The following KCNK2 variants were observed in gnomAD, a reference collection of about 807,000 sequenced individuals.
KCNK2 encodes the protein potassium two pore domain channel subfamily K member 2.
KCNK2 carries 21 observed loss-of-function variants against 40.5 expected under a neutral mutation model. That is an observed-to-expected ratio of 0.52 (90% confidence interval 0.37 to 0.75). The LOEUF is 0.75. Among genes scored for constraint, KCNK2 ranks in the 30% least tolerant of loss-of-function variants. The pLI is 0.00. For synonymous variants in KCNK2, 191 were observed against 202.2 expected (o/e 0.94, Z 0.47); for missense variants, 399 against 531.6 (o/e 0.75, Z 2.45).
intron 6 of KCNK2, among the ~76,000 whole-genome samples, chr1:215,231,171 T>C (rs537549843): frequency 6.6e-6 from 1 of 152,270 alleles, no homozygotes; most frequent in African/African-American, 2.4e-5. Context: ...CCACTTAAGA[T>C]TCAAATTGCA....
At chr1:215,193,888 T>TA (rs1288525979) in intron 5 of KCNK2, among the ~76,000 whole-genome samples, 3 of 152,200 alleles carry the variant, frequency 2.0e-5, no homozygotes, top group Non-Finnish European at 4.4e-5. Flanking sequence ...ATACTATATA[T>TA]TTTCCACACT....
chr1:215,006,325 A>G (rs1558053579), intron 1 of KCNK2, among the ~76,000 whole-genome samples: 1 of 152,162 alleles, frequency 6.6e-6, no homozygotes. Flanking sequence ...TAGTCCTGTC[A>G]TCAATTTGTT....
At chr1:215,228,832 C>T (rs1472165675) in intron 6 of KCNK2, among the ~76,000 whole-genome samples, 2 of 151,812 alleles carry the variant, frequency 1.3e-5, no homozygotes, top group Non-Finnish European at 2.9e-5. Flanking sequence ...TTTTGAATTT[C>T]TTCGAAAACA....
intron 2 of KCNK2, among the ~76,000 whole-genome samples, chr1:215,090,603 A>G (rs1261123692): frequency 2.6e-5 from 4 of 152,240 alleles, no homozygotes; most frequent in African/African-American, 7.2e-5. Flanking sequence ...GAGGATGGTC[A>G]CATTAGACAT....
At chr1:215,168,022 A>C (rs1663524465) in intron 3 of KCNK2, among the ~76,000 whole-genome samples, 1 of 152,056 alleles carries the variant, frequency 6.6e-6, no homozygotes, top group African/African-American at 2.4e-5. Context: ...CACATTAACA[A>C]GAAAAAAAAC....
chr1:215,083,531 C>G, intron 1 of KCNK2, 100 bp downstream of exon 1: 1 of 876,296 alleles, frequency 1.1e-6, no homozygotes, highest in South Asian at 1.3e-5. Flanking sequence ...AGCAAGCGGC[C>G]GTTTCCCATC....
intron 3 of KCNK2, among the ~76,000 whole-genome samples, chr1:215,167,314 G>A (rs1663490186): frequency 7.1e-6 from 1 of 141,172 alleles, no homozygotes. Flanking sequence ...TCATTAAACT[G>A]GAAAGTAAAG....
intron 2 of KCNK2, among the ~76,000 whole-genome samples, chr1:215,108,875 T>C (rs970180623): frequency 4.0e-5 from 6 of 149,350 alleles, no homozygotes; most frequent in Non-Finnish European, 8.8e-5. Context: ...TGAAGAAATA[T>C]CTTCACGTGC....
At chr1:215,169,717 C>T (rs1435563643) in intron 4 of KCNK2, among the ~76,000 whole-genome samples, 4 of 151,512 alleles carry the variant, frequency 2.6e-5, no homozygotes, top group Admixed American at 1.3e-4. Context: ...GCAATCTTGG[C>T]TCACTGCAAC....
At chr1:215,093,894 A>G (rs11120490) in intron 2 of KCNK2, among the ~76,000 whole-genome samples, 1 of 78,364 alleles carries the variant, frequency 1.3e-5, no homozygotes, top group Non-Finnish European at 2.6e-5. Context: ...ATTATATATA[A>G]AAATATATTA....
Position 215,217,820 on chromosome 1 carries a change from G to A in KCNK2, c.964-17008G>A, listed in dbSNP as rs150376694. 6.2e-4 allele frequency among the ~76,000 whole-genome samples: 94 copies of A among 152,238 alleles called. 1 individual carries two copies. Among genetic ancestry groups the A allele is most frequent in the African/African-American group, 2.1e-3 (89 of 41,546 alleles). On this transcript the variant is annotated intron_variant, in intron 6 of 6. Transcript: ENST00000444842. ...ACTTAGGGTAGTTTAAAGAAAAAGC[G>A]GTAAATTTTATCTGCACAATTCAGG...
chr1:215,151,390 G>T (rs1232693386), intron 3 of KCNK2, among the ~76,000 whole-genome samples: 1 of 151,922 alleles, frequency 6.6e-6, no homozygotes, highest in Non-Finnish European at 1.5e-5. Context: ...TATTCTTTTG[G>T]ATTGGTCTGC....
At position 215,083,385 on chromosome 1, in the gene KCNK2, C is replaced by T. The variant is rs1298428643; in HGVS notation, c.-1C>T. 3.7e-6 allele frequency: 6 copies of T among 1,614,026 alleles called. No individual in the cohort carries two copies. Among genetic ancestry groups the T allele is most frequent in the African/African-American group, 1.3e-5 (1 of 74,926 alleles). ...AAAACATTTTGAATGCTGCATGCCTCATGCTTCCCAGCGCCTCGCGGGAGA... is the reference window on the plus strand; with the variant it reads ...AAAACATTTTGAATGCTGCATGCCTTATGCTTCCCAGCGCCTCGCGGGAGA... On this transcript the variant is annotated 5_prime_UTR_variant, in exon 1 of 7. Transcript: ENST00000444842.
intron 6 of KCNK2, among the ~76,000 whole-genome samples, chr1:215,201,656 G>A (rs138485090): frequency 6.6e-4 from 100 of 152,258 alleles, no homozygotes; most frequent in African/African-American, 2.2e-3. Context: ...GCTGTATTGG[G>A]TGCTGGGAGT....
At chr1:215,156,623 G>A (rs1662941327) in intron 3 of KCNK2, among the ~76,000 whole-genome samples, 1 of 152,144 alleles carries the variant, frequency 6.6e-6, no homozygotes, top group Admixed American at 6.5e-5. Flanking sequence ...AACTACCTGA[G>A]ACTGGGTAAT....
At chr1:215,071,859 A>G (rs754352327) in intron 1 of KCNK2, among the ~76,000 whole-genome samples, 1 of 152,086 alleles carries the variant, frequency 6.6e-6, no homozygotes, top group Non-Finnish European at 1.5e-5. Flanking sequence ...TCCAGCGGGG[A>G]GGGTAAATGT....
At chr1:215,107,341 G>A (rs1009024991) in intron 2 of KCNK2, among the ~76,000 whole-genome samples, 16 of 151,596 alleles carry the variant, frequency 1.1e-4, no homozygotes, top group Non-Finnish European at 1.9e-4. Context: ...TTATTTTTTT[G>A]TATGGCTATT....
At chr1:215,217,003 T>A (rs2225972) in intron 6 of KCNK2, among the ~76,000 whole-genome samples, 145,322 of 152,312 alleles carry the variant, frequency 0.95, 69,705 homozygotes, top group East Asian at 1. Flanking sequence ...AATTGATATC[T>A]TTGCAAACAG....
chr1:215,154,427 G>GT (rs997482657), intron 3 of KCNK2, among the ~76,000 whole-genome samples: 8 of 149,190 alleles, frequency 5.4e-5, no homozygotes, highest in South Asian at 4.2e-4. Flanking sequence ...TTTTTGATGG[G>GT]TTTTTTTTTT....
Sources: gnomAD v4.1 joint callset for allele counts (sites outside exome capture counted in the v4.1 genomes callset) on GRCh38, gnomAD v4.1.1 for gene constraint, MANE v1.5 for transcripts, NCBI Gene and HGNC (gene_info 2026-07-23, HGNC 2026-07-21) for gene names.